PIK3CD: variants seen among roughly 807,000 people sequenced by gnomAD.
The protein encoded by PIK3CD is phosphatidylinositol 4,5-bisphosphate 3-kinase catalytic subunit delta isoform.
PIK3CD carries 20 observed loss-of-function variants against 122.9 expected under a neutral mutation model. That is an observed-to-expected ratio of 0.16 (90% confidence interval 0.11 to 0.24). PIK3CD has a LOEUF of 0.24. Among genes scored for constraint, PIK3CD ranks in the 10% least tolerant of loss-of-function variants. The probability of loss-of-function intolerance (pLI) is 1.00; values close to 1 mark genes in which losing one functional copy is unlikely to be tolerated. For synonymous variants in PIK3CD, 596 were observed against 593.4 expected (o/e 1.00, Z -0.06); for missense variants, 787 against 1,406.3 (o/e 0.56, Z 7.04).
chr1:9,648,347 T>C (rs1408157003), upstream of PIK3CD, among the ~76,000 whole-genome samples: 1 of 152,230 alleles, frequency 6.6e-6, no homozygotes, highest in East Asian at 1.9e-4. Flanking sequence ...ATGATTTGAA[T>C]TGCTGTCAGC....
the PIK3CD span, among the ~76,000 whole-genome samples, chr1:9,635,561 G>A: frequency 0.066 from 9,978 of 152,168 alleles, 1,074 homozygotes; most frequent in African/African-American, 0.23. Flanking sequence ...TGATTGGCTC[G>A]CCTTGGGTCA....
chr1:9,719,929 C>T lies in PIK3CD; in HGVS notation c.1251C>T (p.Pro417=), dbSNP rs113023172. The change falls in exon 10 of 24, where the codon CCC becomes CCT. Residue 417 remains proline, a synonymous_variant. Transcript: ENST00000377346. This position sits in a 1 kb window ranked among gnomAD's most constrained non-coding sequence, Gnocchi z 5.5. ...GCCCTGTCCTTCTGCAGGACTGCCC[C>T]ATTGCCTGGGCCAACCTCATGCTGT... is the stretch of plus-strand genomic sequence containing the variant. The part of the protein sequence containing the change: ...TKKKSKKADC[P]IAWANLMLFD... 16 of 1,613,690 alleles carry T rather than the reference C, an allele frequency of 9.9e-6. No individual in the cohort carries two copies. The African/African-American group carries it at 1.2e-4, about 12-fold the overall frequency.
chr1:9,685,388 T>C (rs1645927222), intron 1 of PIK3CD, among the ~76,000 whole-genome samples: 1 of 152,190 alleles, frequency 6.6e-6, no homozygotes, highest in Non-Finnish European at 1.5e-5. Context: ...AGATGGAGTC[T>C]CGCTCTGTTG....
At position 9,707,755 on chromosome 1, in the gene PIK3CD, C is replaced by T. The variant is rs149442909; in HGVS notation, c.-32-2669C>T. On this transcript the variant is annotated intron_variant, in intron 2 of 23. Coordinates refer to ENST00000377346, the MANE Select transcript of PIK3CD (RefSeq NM_005026.5). ...AAGAGATAAAACGAATGAACTAAAG[C>T]CATGTGTGTATTCGCCTGGGTAAAT... Among the ~76,000 whole-genome samples the T allele has an allele frequency of 3.6e-3, 549 of 151,674 alleles. 5 individuals are homozygous for T. The highest frequency in any genetic ancestry group is 0.013 in the African/African-American group (528 of 41,332).
chr1:9,709,696 C>T (rs914374612), intron 2 of PIK3CD, among the ~76,000 whole-genome samples: 2 of 150,546 alleles, frequency 1.3e-5, no homozygotes, highest in African/African-American at 2.4e-5. Flanking sequence ...AGAGTGAGAC[C>T]CTGTTTCAAA....
chr1:9,679,982 A>G lies in PIK3CD; in HGVS notation c.-137-11485A>G, dbSNP rs138732886. ...TGGGATTACAGGCGCCCACCACCAC[A>G]CCGGGCTACTTTATGTATTTTTAGT... On this transcript the variant is annotated intron_variant, in intron 1 of 23. Transcript: ENST00000377346. Among the ~76,000 whole-genome samples, 1,182 of 151,434 alleles carry G rather than the reference A, an allele frequency of 7.8e-3. 36 individuals are homozygous for G. Among genetic ancestry groups the G allele is most frequent in the Admixed American group, 0.049 (744 of 15,162 alleles).
chr1:9,685,673 T>A (rs548426987), intron 1 of PIK3CD, among the ~76,000 whole-genome samples: 1 of 152,114 alleles, frequency 6.6e-6, no homozygotes, highest in African/African-American at 2.4e-5. Flanking sequence ...TAATTAAAAA[T>A]TTTTTAAAGA....
rs769758594 is a variant in PIK3CD at position 9,717,635 on chromosome 1, C to T, written c.1020+9C>T. ...CCGACGAGCGGATGAAGGTGGGGCTCCTGGGATAGGTGGGAGAGACACTGT... is the reference window on the plus strand; with the variant it reads ...CCGACGAGCGGATGAAGGTGGGGCTTCTGGGATAGGTGGGAGAGACACTGT... On this transcript the variant is annotated intron_variant, in intron 8 of 23. Transcript: ENST00000377346. This position sits in a 1 kb window ranked among gnomAD's most constrained non-coding sequence, Gnocchi z 5.4. 7.4e-6 allele frequency: 12 copies of T among 1,613,270 alleles called. No individual in the cohort carries two copies. The highest frequency in any genetic ancestry group is 2.7e-5 in the African/African-American group (2 of 74,898).
intron 1 of PIK3CD, among the ~76,000 whole-genome samples, chr1:9,678,173 C>A (rs933436351): frequency 3.3e-5 from 5 of 150,274 alleles, no homozygotes; most frequent in Admixed American, 1.3e-4. Flanking sequence ...AACAAAAAAA[C>A]AAAAATCCGG....
At chr1:9,629,426 G>C in the PIK3CD span, among the ~76,000 whole-genome samples, 3 of 151,908 alleles carry the variant, frequency 2.0e-5, no homozygotes, top group African/African-American at 7.3e-5. Context: ...ATGAGGATGT[G>C]CTGAGAAGCC....
intron 1 of PIK3CD, chr1:9,653,539 T>G: frequency 3.3e-6 from 1 of 302,884 alleles, no homozygotes; most frequent in Admixed American, 4.7e-5. Flanking sequence ...TGGGGGGGAT[T>G]TGGAGGGGAC....
chr1:9,656,062 A>G (rs1465844160), intron 1 of PIK3CD, among the ~76,000 whole-genome samples: 1 of 151,860 alleles, frequency 6.6e-6, no homozygotes, highest in African/African-American at 2.4e-5. Context: ...CCAAAGTGGT[A>G]TTTCGGTTGG....
chr1:9,715,688 C>T lies in PIK3CD; in HGVS notation c.289C>T (p.Pro97Ser), dbSNP rs1167794081. 2 of 1,613,592 alleles carry T rather than the reference C, an allele frequency of 1.2e-6. No homozygotes were observed. The highest frequency in any genetic ancestry group is 1.7e-5 in the Admixed American group (1 of 60,016). The change falls in exon 4 of 24, where the codon CCC becomes TCC. Residue 97 changes from proline (P) to serine (S), a missense_variant. By Grantham distance (74) the Pro-to-Ser change is moderately conservative. Around this residue, in one of 6 missense-constraint regions of PIK3CD, gnomAD observed 592 missense variants for 920.6 expected, o/e 0.64. Coordinates refer to ENST00000377346, the MANE Select transcript of PIK3CD (RefSeq NM_005026.5). This position sits in a 1 kb window ranked among gnomAD's most constrained non-coding sequence, Gnocchi z 4.1. ...TCTGTGTGACGTGCAGCCCTTCCTG[C>T]CCGTCCTGCGCCTGGTGGCCCGTGA... ...RRLCDVQPFL[P>S]VLRLVAREGD...
the PIK3CD span, among the ~76,000 whole-genome samples, chr1:9,636,336 G>A: frequency 0.02 from 3,106 of 152,266 alleles, 90 homozygotes; most frequent in South Asian, 0.092. Context: ...TGGGATTACA[G>A]GTGCCCACTA....
At chr1:9,653,741 A>G (rs1341343826) in intron 1 of PIK3CD, 4 of 1,265,634 alleles carry the variant, frequency 3.2e-6, no homozygotes, top group African/African-American at 1.5e-5. Flanking sequence ...TAGAGCAGAA[A>G]TGCCAACCCC....
In PIK3CD at chr1:9,724,685, A is replaced by C; in HGVS notation, c.2865-119A>C. ...TAGCAGAACTGGAGGCCTTGTGTCC[A>C]CCCATTATCAGGGCAAGGGCAGGTG... On this transcript the variant is annotated intron_variant, in intron 22 of 23. Transcript: ENST00000377346. This position sits in a 1 kb window ranked among gnomAD's most constrained non-coding sequence, Gnocchi z 7.3. The C allele has an allele frequency of 7.4e-7, 1 of 1,347,926 alleles. No homozygotes were observed. The highest frequency in any genetic ancestry group is 1.4e-5 in the African/African-American group (1 of 69,724). 83.5% of individuals were successfully genotyped at this position (1,347,926 alleles called of 1,614,324 possible). A position where few individuals can be genotyped will look rare whatever the true frequency, so the allele number is the denominator to read the frequency against.
At position 9,724,994 on chromosome 1, in the gene PIK3CD, C is replaced by T; in HGVS notation, c.2997+58C>T. 6.2e-7 allele frequency: 1 copy of T among 1,602,510 alleles called. No individual in the cohort carries two copies. On this transcript the variant is annotated intron_variant, in intron 23 of 23. Coordinates refer to ENST00000377346, the MANE Select transcript of PIK3CD (RefSeq NM_005026.5). This position sits in a 1 kb window ranked among gnomAD's most constrained non-coding sequence, Gnocchi z 7.3. ...TGGACTTCCAAGGCCTGCCCCCGAG[C>T]AATGTGACCTAGGAGGGCCCTGAAT...
Position 9,715,564 on chromosome 1 carries a change from T to C in PIK3CD, c.165T>C (p.Tyr55=). 1.2e-6 allele frequency: 2 copies of C among 1,613,572 alleles called. No homozygotes were observed. The highest frequency in any genetic ancestry group is 3.3e-5 in the Admixed American group (2 of 60,026). ...AGCTGCTGTGGCACCGCGCCCAGTA[T>C]GAGCCGCTCTTCCACATGCTCAGTG... is the stretch of plus-strand genomic sequence containing the variant. The part of the protein sequence containing the change: ...IKQLLWHRAQ[Y]EPLFHMLSGP... The change falls in exon 4 of 24, where the codon TAT becomes TAC. Residue 55 remains tyrosine, a synonymous_variant. Coordinates refer to ENST00000377346, the MANE Select transcript of PIK3CD (RefSeq NM_005026.5). This position sits in a 1 kb window ranked among gnomAD's most constrained non-coding sequence, Gnocchi z 4.1.
the PIK3CD span, among the ~76,000 whole-genome samples, chr1:9,640,240 T>G: frequency 1.7e-3 from 264 of 152,206 alleles, 5 homozygotes; most frequent in South Asian, 0.042. Context: ...ATTGCCAGTT[T>G]CCCCAGGGAG....
Sources: gnomAD v4.1 joint callset for allele counts (sites outside exome capture counted in the v4.1 genomes callset) on GRCh38, gnomAD v4.1.1 for gene constraint, gnomAD v4.1.1 regional missense constraint, Gnocchi (gnomAD v3.1) non-coding constraint, MANE v1.5 for transcripts, NCBI Gene and HGNC (gene_info 2026-07-23, HGNC 2026-07-21) for gene names.